Variants in NEDD9 observed in about 807,000 individuals in gnomAD.
NEDD9 encodes neural precursor cell expressed, developmentally down-regulated 9, also known as enhancer of filamentation 1.
In NEDD9, 26 loss-of-function variants were observed where a neutral mutation model predicts 76.6. The observed-to-expected ratio is 0.34, with a 90% CI of 0.25 to 0.47. The LOEUF (loss-of-function observed/expected upper bound fraction) is 0.47, where lower values mean the gene tolerates loss of function less well. Ranked by LOEUF, NEDD9 falls within the 20% of genes least tolerant of loss-of-function variation. The pLI is 1.00. For missense variants in NEDD9, 937 were observed against 1,058.5 expected, an observed-to-expected ratio of 0.89 and a Z score of 1.59; for synonymous variants, 392 against 414.2, an observed-to-expected ratio of 0.95 and a Z score of 0.65.
chr6:11,297,784 A>T (rs2281064), intron 3 of NEDD9, among the ~76,000 whole-genome samples: 52,756 of 152,000 alleles, frequency 0.35, 9,815 homozygotes, highest in East Asian at 0.72. Flanking sequence ...TCATTCTCAT[A>T]TTGTAGATGA....
chr6:11,375,364 A>ATGCATATAT (rs778694423), intron 1 of NEDD9, among the ~76,000 whole-genome samples: 115 of 152,244 alleles, frequency 7.6e-4, no homozygotes, highest in Non-Finnish European at 1.4e-3. Flanking sequence ...ATATATACCT[A>ATGCATATAT]TGCATATATG....
rs115172944 is a variant in NEDD9 at position 11,197,971 on chromosome 6, C to T, written c.460-4279G>A. Among the ~76,000 whole-genome samples the T allele has an allele frequency of 3.5e-3, 528 of 152,228 alleles. 1 individual carries two copies. The highest frequency in any genetic ancestry group is 0.012 in the African/African-American group (496 of 41,522). On this transcript the variant is annotated intron_variant, in intron 2 of 6. Coordinates refer to ENST00000379446, the MANE Select transcript of NEDD9 (RefSeq NM_006403.4). ...CTTGGGACTCTTTCTGATGTTTCTG[C>T]ATCTGTGTTCCCTGAGCTGGTACCC... is the stretch of plus-strand genomic sequence containing the variant.
At chr6:11,204,772 CT>C (rs1175064934) in intron 2 of NEDD9, among the ~76,000 whole-genome samples, 11 of 146,848 alleles carry the variant, frequency 7.5e-5, no homozygotes, top group African/African-American at 2.8e-4. Context: ...AAAGAAAAGA[CT>C]TTTCTGTGTG....
chr6:11,381,731 G>A (rs1040295598), intron 1 of NEDD9, among the ~76,000 whole-genome samples: 7 of 152,312 alleles, frequency 4.6e-5, no homozygotes, highest in East Asian at 3.9e-4. Context: ...TGAAAAGGAC[G>A]TAAATGATTC....
At chr6:11,255,261 G>C (rs1759980797) in intron 3 of NEDD9, among the ~76,000 whole-genome samples, 1 of 152,250 alleles carries the variant, frequency 6.6e-6, no homozygotes, top group East Asian at 1.9e-4. Flanking sequence ...AGAATGTGTG[G>C]TCGGAGGGAT....
chr6:11,280,753 C>T lies in NEDD9; in HGVS notation c.12+25239G>A, dbSNP rs914429170. On this transcript the variant is annotated intron_variant, in intron 3 of 3. Transcript: ENST00000397378. ...CACGCTTGGAGCCCTCTTCTGCCTC[C>T]TAGGCATGGTGAGGGAGGTTTCCCT... Among the ~76,000 whole-genome samples the T allele has an allele frequency of 2.0e-5, 3 of 152,224 alleles. No homozygotes were observed. In the East Asian group the frequency reaches 5.8e-4, roughly 29 times the overall value.
intron 1 of NEDD9, among the ~76,000 whole-genome samples, chr6:11,367,991 A>G (rs1384670892): frequency 6.6e-6 from 1 of 152,214 alleles, no homozygotes; most frequent in African/African-American, 2.4e-5. Context: ...CTGGTGATCA[A>G]AAGCATCAGT....
chr6:11,336,521 T>C lies in NEDD9; in HGVS notation c.-213-1960A>G, dbSNP rs561151676. Among the ~76,000 whole-genome samples, 3 of 152,212 alleles carry C rather than the reference T, an allele frequency of 2.0e-5. No individual in the cohort carries two copies. The East Asian group carries it at 5.8e-4, about 29-fold the overall frequency. ...TCAGTATGAATATGGATATAAAAGG[T>C]AAAAAGTGGCACATCTGTATAGAGC... On this transcript the variant is annotated intron_variant, in intron 1 of 3. Coordinates refer to the NEDD9 transcript ENST00000397378.
chr6:11,331,992 T>C (rs898448147), intron 2 of NEDD9, among the ~76,000 whole-genome samples: 3 of 152,216 alleles, frequency 2.0e-5, no homozygotes, highest in Non-Finnish European at 4.4e-5. Context: ...TGGCTGATTA[T>C]TGGGTCAACA....
intron 1 of NEDD9, among the ~76,000 whole-genome samples, chr6:11,346,708 A>T (rs1410404688): frequency 6.6e-6 from 1 of 152,148 alleles, no homozygotes; most frequent in East Asian, 1.9e-4. Flanking sequence ...GCCACTTTCA[A>T]CTTTTCAAGG....
Position 11,185,432 on chromosome 6 carries a change from G to A in NEDD9, c.2235C>T (p.His745=). The A allele has an allele frequency of 1.9e-6, 3 of 1,614,252 alleles. No homozygotes were observed. The highest frequency in any genetic ancestry group is 2.5e-6 in the Non-Finnish European group (3 of 1,180,052). The part of the protein sequence containing the change: ...SAQPPRIFVA[H]SKFVILSAHK... The stretch of plus-strand genomic sequence containing the variant: ...GTGCACTGAGGATGACAAACTTGCT[G>A]TGTGCCACGAAGATTCGCGGGGGCT... Residue 745 remains histidine (H), a synonymous_variant, in exon 7 of 7, where the codon CAC becomes CAT. Transcript: ENST00000379446.
At chr6:11,339,425 T>C (rs1465026059) in intron 1 of NEDD9, among the ~76,000 whole-genome samples, 1 of 152,204 alleles carries the variant, frequency 6.6e-6, no homozygotes, top group African/African-American at 2.4e-5. Context: ...TCTCCCTCAT[T>C]AAATAAATGG....
At chr6:11,324,117 C>G (rs950217175) in intron 2 of NEDD9, among the ~76,000 whole-genome samples, 1 of 152,204 alleles carries the variant, frequency 6.6e-6, no homozygotes, top group African/African-American at 2.4e-5. Flanking sequence ...AGCCACGTGG[C>G]CACTGGTTTC....
chr6:11,333,159 C>G (rs918019736), intron 2 of NEDD9, among the ~76,000 whole-genome samples: 7 of 151,884 alleles, frequency 4.6e-5, no homozygotes, highest in Non-Finnish European at 1.0e-4. Flanking sequence ...CATTTTTTTC[C>G]GAGGCTTTGT....
intron 2 of NEDD9, among the ~76,000 whole-genome samples, chr6:11,204,238 C>T (rs369797372): frequency 2.6e-5 from 4 of 152,314 alleles, no homozygotes; most frequent in South Asian, 2.1e-4. Flanking sequence ...CTGCGGCCTA[C>T]GCTAGCAATA....
At chr6:11,276,348 T>C (rs192352075) in intron 3 of NEDD9, among the ~76,000 whole-genome samples, 323 of 152,362 alleles carry the variant, frequency 2.1e-3, no homozygotes, top group African/African-American at 6.9e-3. Context: ...TGTGTGCATG[T>C]ATGTGTGCAT....
chr6:11,274,659 T>C (rs1447590200), intron 3 of NEDD9, among the ~76,000 whole-genome samples: 1 of 152,176 alleles, frequency 6.6e-6, no homozygotes, highest in Non-Finnish European at 1.5e-5. Context: ...CAATAATATA[T>C]GACCTCAGAC....
chr6:11,225,983 C>G (rs532726436), intron 1 of NEDD9, among the ~76,000 whole-genome samples: 1 of 152,200 alleles, frequency 6.6e-6, no homozygotes, highest in Non-Finnish European at 1.5e-5. Flanking sequence ...CTGGAGTGCC[C>G]GTTCTATCTT....
intron 1 of NEDD9, among the ~76,000 whole-genome samples, chr6:11,334,725 T>A (rs1242092177): frequency 6.6e-6 from 1 of 152,232 alleles, no homozygotes; most frequent in Non-Finnish European, 1.5e-5. Context: ...CTACTTGCTG[T>A]TTATTTTATG....
Sources: gnomAD v4.1 joint callset for allele counts (sites outside exome capture counted in the v4.1 genomes callset) on GRCh38, gnomAD v4.1.1 for gene constraint, MANE v1.5 for transcripts, NCBI Gene and HGNC (gene_info 2026-07-23, HGNC 2026-07-21) for gene names.